LINGO2: variants seen among roughly 807,000 people sequenced by gnomAD.
The protein encoded by LINGO2 is leucine-rich repeat and immunoglobulin-like domain-containing nogo receptor-interacting protein 2.
A neutral mutation model predicts 30.6 loss-of-function variants in LINGO2; 14 were observed. That is an observed-to-expected ratio of 0.46 (90% confidence interval 0.30 to 0.72). LINGO2 has a LOEUF of 0.72. Among genes scored for constraint, LINGO2 ranks in the 30% least tolerant of loss-of-function variants. LINGO2 has a pLI of 0.07. For missense variants in LINGO2, 729 were observed against 751.7 expected (o/e 0.97, Z 0.35); for synonymous variants, 317 against 288.5 (o/e 1.10, Z -1.00).
At chr9:28,508,228 C>A in intron 1 of LINGO2, among the ~76,000 whole-genome samples, 1 of 152,014 alleles carries the variant, frequency 6.6e-6, no homozygotes, top group East Asian at 1.9e-4. Flanking sequence ...CAAAAAAAAT[C>A]ATTACATCTA....
chr9:28,182,976 T>C (rs1819411961), intron 4 of LINGO2, among the ~76,000 whole-genome samples: 1 of 152,180 alleles, frequency 6.6e-6, no homozygotes, highest in Non-Finnish European at 1.5e-5. Context: ...CAAAGGAATA[T>C]AAATCATTCT....
the LINGO2 span, among the ~76,000 whole-genome samples, chr9:28,855,535 A>G: frequency 6.6e-6 from 1 of 152,002 alleles, no homozygotes; most frequent in Non-Finnish European, 1.5e-5. Context: ...TACCTAAATT[A>G]ATTGCATGTA....
the LINGO2 span, among the ~76,000 whole-genome samples, chr9:29,136,048 A>T: frequency 2.6e-5 from 4 of 152,124 alleles, no homozygotes; most frequent in Non-Finnish European, 5.9e-5. Context: ...TCTCCCAATT[A>T]TCACAGTTTG....
At chr9:29,105,242 A>C in the LINGO2 span, among the ~76,000 whole-genome samples, 3 of 152,334 alleles carry the variant, frequency 2.0e-5, no homozygotes, top group East Asian at 5.8e-4. Context: ...ATGTTTAAGA[A>C]ATCTTTATCC....
At chr9:28,168,190 T>C (rs1400311405) in intron 4 of LINGO2, among the ~76,000 whole-genome samples, 2 of 152,134 alleles carry the variant, frequency 1.3e-5, no homozygotes, top group Admixed American at 6.5e-5. Flanking sequence ...TGACTCCTGC[T>C]GAGCCTAAAG....
At chr9:29,161,942 CAG>C in the LINGO2 span, among the ~76,000 whole-genome samples, 2 of 147,920 alleles carry the variant, frequency 1.4e-5, no homozygotes, top group African/African-American at 5.0e-5. Flanking sequence ...TTTTTTGAGA[CAG>C]AGTCTTGCTC....
chr9:28,175,403 C>G (rs569793007), intron 4 of LINGO2, among the ~76,000 whole-genome samples: 1 of 152,224 alleles, frequency 6.6e-6, no homozygotes, highest in Admixed American at 6.5e-5. Context: ...CCAAAGCTCT[C>G]ACAACTTCCT....
At chr9:28,609,795 T>C (rs1825840187) in intron 1 of LINGO2, among the ~76,000 whole-genome samples, 1 of 152,148 alleles carries the variant, frequency 6.6e-6, no homozygotes, top group Non-Finnish European at 1.5e-5. Context: ...GAGTGTTTCT[T>C]ATGGCGTACC....
chr9:28,990,977 C>G, the LINGO2 span, among the ~76,000 whole-genome samples: 2 of 152,190 alleles, frequency 1.3e-5, no homozygotes, highest in Non-Finnish European at 2.9e-5. Flanking sequence ...TCCAAAGGAA[C>G]GCAGTTCCTC....
chr9:28,411,632 T>C (rs976101425), intron 2 of LINGO2, among the ~76,000 whole-genome samples: 1 of 152,136 alleles, frequency 6.6e-6, no homozygotes, highest in African/African-American at 2.4e-5. Context: ...ATATCCATCA[T>C]ATGTAGATGC....
At chr9:29,130,338 A>T in the LINGO2 span, among the ~76,000 whole-genome samples, 3 of 152,140 alleles carry the variant, frequency 2.0e-5, no homozygotes, top group African/African-American at 4.8e-5. Context: ...CTCCAAAGTG[A>T]TAACAGCCTT....
the LINGO2 span, among the ~76,000 whole-genome samples, chr9:28,909,136 G>A: frequency 6.6e-6 from 1 of 151,836 alleles, no homozygotes. Context: ...CAAAGACCAT[G>A]TACCCGATTA....
chr9:29,049,154 C>G, the LINGO2 span, among the ~76,000 whole-genome samples: 1 of 152,120 alleles, frequency 6.6e-6, no homozygotes, highest in African/African-American at 2.4e-5. Flanking sequence ...AAATAGGCAA[C>G]AGATTTGAAT....
At chr9:28,832,112 C>T in the LINGO2 span, among the ~76,000 whole-genome samples, 3 of 151,894 alleles carry the variant, frequency 2.0e-5, no homozygotes, top group Non-Finnish European at 4.4e-5. Flanking sequence ...AACAGAAAAC[C>T]TTTTAGTGAA....
the LINGO2 span, among the ~76,000 whole-genome samples, chr9:28,943,926 C>G: frequency 6.6e-6 from 1 of 152,194 alleles, no homozygotes; most frequent in East Asian, 1.9e-4. Flanking sequence ...GTGTGCTAAA[C>G]ATTCATGAGT....
intron 4 of LINGO2, among the ~76,000 whole-genome samples, chr9:28,226,642 G>C (rs28640205): frequency 3.8e-5 from 2 of 53,230 alleles, no homozygotes; most frequent in Non-Finnish European, 7.8e-5. Context: ...AAGGAAAGAA[G>C]GAAAGAAAGA....
chr9:28,591,096 G>A (rs546144952), intron 1 of LINGO2, among the ~76,000 whole-genome samples: 1 of 151,920 alleles, frequency 6.6e-6, no homozygotes, highest in African/African-American at 2.4e-5. Flanking sequence ...CTCATAGGTG[G>A]GAATTGAACA....
chr9:28,248,837 G>A (rs1418180650), intron 4 of LINGO2, among the ~76,000 whole-genome samples: 1 of 152,144 alleles, frequency 6.6e-6, no homozygotes, highest in Non-Finnish European at 1.5e-5. Context: ...ACTTGCTAGT[G>A]TTGAGAAACA....
At chr9:28,790,535 C>A in the LINGO2 span, among the ~76,000 whole-genome samples, 1 of 151,274 alleles carries the variant, frequency 6.6e-6, no homozygotes, top group African/African-American at 2.4e-5. Context: ...AGGATTTCAC[C>A]GTGTTAGCCA....
Sources: allele counts gnomAD v4.1 joint callset (sites outside exome capture counted in the v4.1 genomes callset), GRCh38; gene constraint gnomAD v4.1.1; transcripts MANE v1.5; gene names NCBI Gene and HGNC (gene_info 2026-07-23, HGNC 2026-07-21).